The following PRIM2 variants were observed in gnomAD, a reference collection of about 807,000 sequenced individuals.
PRIM2 encodes DNA primase subunit 2.
A neutral mutation model predicts 67.3 loss-of-function variants in PRIM2; 39 were observed. The ratio of observed to expected loss-of-function variants is 0.58; its 90% CI spans 0.45 to 0.76. The LOEUF (loss-of-function observed/expected upper bound fraction) is 0.76, where lower values mean the gene tolerates loss of function less well. Among genes scored for constraint, PRIM2 ranks in the 30% least tolerant of loss-of-function variants. The pLI is 0.00. For missense variants in PRIM2, 398 were observed against 598.7 expected (o/e 0.66, Z 3.50); for synonymous variants, 143 against 198.7 (o/e 0.72, Z 2.36).
At chr6:57,263,703 A>G in the PRIM2 span, among the ~76,000 whole-genome samples, 2 of 152,364 alleles carry the variant, frequency 1.3e-5, no homozygotes, top group South Asian at 2.1e-4. Flanking sequence ...ATAAGATTTT[A>G]AAATTGAATA....
intron 12 of PRIM2, among the ~76,000 whole-genome samples, chr6:57,622,039 C>A (rs1396587285): frequency 1.3e-5 from 2 of 152,084 alleles, no homozygotes. Flanking sequence ...CAACCTCTGC[C>A]TCCTGGGTTC....
At chr6:57,519,894 GTTC>G (rs1774575771) in intron 8 of PRIM2, among the ~76,000 whole-genome samples, 1 of 152,144 alleles carries the variant, frequency 6.6e-6, no homozygotes, top group Non-Finnish European at 1.5e-5. Flanking sequence ...CACAATCCAC[GTTC>G]TTCTGCCATG....
At chr6:57,558,586 G>C (rs1775564264) in intron 10 of PRIM2, among the ~76,000 whole-genome samples, 1 of 152,098 alleles carries the variant, frequency 6.6e-6, no homozygotes, top group South Asian at 2.1e-4. Flanking sequence ...TTAAGTTTCA[G>C]TTAAAGTATT....
chr6:57,243,608 A>G, the PRIM2 span, among the ~76,000 whole-genome samples: 1 of 152,082 alleles, frequency 6.6e-6, no homozygotes, highest in Admixed American at 6.6e-5. Flanking sequence ...AGCCGAGACT[A>G]CAGGTGCACA....
At chr6:57,457,551 A>G (rs1486560763) in intron 7 of PRIM2, among the ~76,000 whole-genome samples, 5,681 of 152,170 alleles carry the variant, frequency 0.037, 345 homozygotes, top group African/African-American at 0.13. Flanking sequence ...TGTGCTAGCA[A>G]TGAGTGAGGC....
chr6:57,602,445 T>C (rs2059694010), intron 11 of PRIM2, among the ~76,000 whole-genome samples: 1 of 152,142 alleles, frequency 6.6e-6, no homozygotes, highest in African/African-American at 2.4e-5. Flanking sequence ...CCCTCAGTCA[T>C]ATAAAATCAG....
At chr6:57,573,413 C>CTT (rs1157239523) in intron 10 of PRIM2, among the ~76,000 whole-genome samples, 4 of 151,766 alleles carry the variant, frequency 2.6e-5, no homozygotes, top group African/African-American at 9.7e-5. Flanking sequence ...TCATCCTCAG[C>CTT]TTTTTTTTAT....
intron 7 of PRIM2, among the ~76,000 whole-genome samples, chr6:57,386,294 C>A (rs570385353): frequency 6.6e-6 from 1 of 151,204 alleles, no homozygotes; most frequent in African/African-American, 2.4e-5. Flanking sequence ...GGCATGTGCC[C>A]GTAGTCCCAG....
At chr6:57,542,747 C>T (rs1428478859) in intron 10 of PRIM2, among the ~76,000 whole-genome samples, 2 of 151,276 alleles carry the variant, frequency 1.3e-5, no homozygotes, top group Non-Finnish European at 2.9e-5. Flanking sequence ...TTACATAGTC[C>T]GTATTGTAAA....
chr6:57,302,440 T>C, the PRIM2 span, among the ~76,000 whole-genome samples: 1 of 152,330 alleles, frequency 6.6e-6, no homozygotes, highest in East Asian at 1.9e-4. Context: ...GAGTCTTAAA[T>C]TGTACATTAA....
At chr6:57,342,425 A>G (rs73458970) in intron 5 of PRIM2, among the ~76,000 whole-genome samples, 1 of 143,928 alleles carries the variant, frequency 6.9e-6, no homozygotes, top group African/African-American at 2.7e-5. Flanking sequence ...GATTCTATTA[A>G]TGTTTCTTCA....
At chr6:57,288,731 T>G in the PRIM2 span, among the ~76,000 whole-genome samples, 1 of 152,084 alleles carries the variant, frequency 6.6e-6, no homozygotes, top group Non-Finnish European at 1.5e-5. Context: ...GAATGAAAAC[T>G]AACAAACAGA....
At chr6:57,503,353 T>G (rs1430988309) in intron 7 of PRIM2, among the ~76,000 whole-genome samples, 1 of 152,230 alleles carries the variant, frequency 6.6e-6, no homozygotes, top group Non-Finnish European at 1.5e-5. Flanking sequence ...ACCAAACCTT[T>G]GTTGGGAAAG....
intron 7 of PRIM2, among the ~76,000 whole-genome samples, chr6:57,480,496 G>C (rs1773593676): frequency 6.6e-6 from 1 of 152,136 alleles, no homozygotes; most frequent in African/African-American, 2.4e-5. Context: ...GTGTATGTGA[G>C]TATGGAATTT....
At chr6:57,431,548 TC>T (rs1771828058) in intron 7 of PRIM2, among the ~76,000 whole-genome samples, 1 of 152,006 alleles carries the variant, frequency 6.6e-6, no homozygotes, top group Non-Finnish European at 1.5e-5. Context: ...CTTGGGGGGC[TC>T]AGGTAAGAGG....
At chr6:57,447,901 G>T (rs1481534477) in intron 7 of PRIM2, among the ~76,000 whole-genome samples, 1 of 152,194 alleles carries the variant, frequency 6.6e-6, no homozygotes, top group Non-Finnish European at 1.5e-5. Context: ...TATTTGGGAT[G>T]CATAACCTTT....
the PRIM2 span, among the ~76,000 whole-genome samples, chr6:57,273,452 TC>T: frequency 6.6e-6 from 1 of 152,354 alleles, no homozygotes; most frequent in South Asian, 2.1e-4. Context: ...ATCACATAGT[TC>T]TTGTGCCTTG....
At chr6:57,424,682 A>G (rs556288698) in intron 7 of PRIM2, among the ~76,000 whole-genome samples, 2 of 152,326 alleles carry the variant, frequency 1.3e-5, no homozygotes, top group South Asian at 2.1e-4. Context: ...TCATATTTAT[A>G]TAAGAAGAAT....
intron 10 of PRIM2, among the ~76,000 whole-genome samples, chr6:57,557,789 A>C (rs1229682700): frequency 6.6e-6 from 1 of 152,170 alleles, no homozygotes; most frequent in Non-Finnish European, 1.5e-5. Context: ...AAAAAGAAAA[A>C]GATATGACTT....
Sources: gnomAD v4.1 joint callset for allele counts (sites outside exome capture counted in the v4.1 genomes callset) on GRCh38, gnomAD v4.1.1 for gene constraint, MANE v1.5 for transcripts, NCBI Gene and HGNC (gene_info 2026-07-23, HGNC 2026-07-21) for gene names.